CNBD2: variants seen among roughly 807,000 people sequenced by gnomAD.
CNBD2 encodes the protein cyclic nucleotide binding domain containing 2, also known as cyclic nucleotide-binding domain-containing protein 2.
In CNBD2, 64 loss-of-function variants were observed where a neutral mutation model predicts 63.7. The observed-to-expected ratio is 1.00, with a 90% CI of 0.82 to 1.24. CNBD2 has a LOEUF of 1.24. CNBD2 is among the 50% of genes most tolerant of loss of function. CNBD2 has a pLI of 0.00. For missense variants in CNBD2, 691 were observed against 713.5 expected (o/e 0.97, Z 0.36); for synonymous variants, 229 against 255.4 (o/e 0.90, Z 0.99).
At position 35,980,579 on chromosome 20, in the gene CNBD2, G is replaced by A. The variant is rs1041373974; in HGVS notation, c.364G>A (p.Glu122Lys). 6.2e-7 allele frequency: 1 copy of A among 1,613,972 alleles called. No homozygotes were observed. Among genetic ancestry groups the A allele is most frequent in the Non-Finnish European group, 8.5e-7 (1 of 1,180,042 alleles). Reference sequence around the variant, plus strand: ...TCTGGATAGCTATCGGAACTACGCAGAGCCCCTGCAGCTGCTCCTGGCCAA... The same window carrying A: ...TCTGGATAGCTATCGGAACTACGCAAAGCCCCTGCAGCTGCTCCTGGCCAA... The part of the protein sequence containing the change: ...QVLDSYRNYA[E>K]PLQLLLAKVM... The change falls in exon 4 of 12, where the codon GAG becomes AAG. Residue 122 changes from glutamate to lysine, a missense_variant. By Grantham distance (56) the Glu-to-Lys change is moderately conservative. Coordinates refer to ENST00000373973, the MANE Select transcript of CNBD2 (RefSeq NM_001365709.1).
intron 10 of CNBD2, among the ~76,000 whole-genome samples, chr20:36,015,594 A>C (rs2147345902): frequency 6.6e-6 from 1 of 152,300 alleles, no homozygotes; most frequent in South Asian, 2.1e-4. Context: ...GAAAGTAAGG[A>C]AGAGCTAGGG....
At chr20:36,000,732 T>G (rs1289717968) in intron 8 of CNBD2, among the ~76,000 whole-genome samples, 1 of 151,818 alleles carries the variant, frequency 6.6e-6, no homozygotes, top group Admixed American at 6.6e-5. Context: ...CTAATTTTTT[T>G]TTTTTTCATT....
chr20:35,964,556 A>AT (rs61569495), upstream of CNBD2, among the ~76,000 whole-genome samples: 26,736 of 141,614 alleles, frequency 0.19, 2,596 homozygotes, highest in South Asian at 0.37. Context: ...ACGCCCGGCT[A>AT]TTTTTTTTTT....
chr20:36,004,834 A>T (rs2056963372), intron 8 of CNBD2, among the ~76,000 whole-genome samples: 1 of 152,130 alleles, frequency 6.6e-6, no homozygotes, highest in Admixed American at 6.6e-5. Flanking sequence ...AAGTGCTGAG[A>T]TTACAGGCAT....
chr20:35,995,632 T>C (rs369421841), intron 8 of CNBD2, among the ~76,000 whole-genome samples: 1 of 152,236 alleles, frequency 6.6e-6, no homozygotes, highest in African/African-American at 2.4e-5. Context: ...AATATTCTAA[T>C]GTATGCATAT....
Position 36,030,388 on chromosome 20 carries a change from C to T in CNBD2, c.1471C>T (p.Gln491Ter). The T allele has an allele frequency of 6.2e-7, 1 of 1,614,118 alleles. No homozygotes were observed. Residue 491 changes from glutamine (Q) to a stop codon, truncating the protein, a stop_gained, in exon 12 of 12, where the codon CAG (glutamine) becomes TAG (stop). Coordinates refer to ENST00000373973, the MANE Select transcript of CNBD2 (RefSeq NM_001365709.1). LOFTEE classifies it low-confidence loss of function (END_TRUNC). The part of the protein sequence containing the change: ...DEDMCQKFLQ[Q>*]NSWNIFRKDL... ...AGATATGTGCCAGAAGTTCCTCCAG[C>T]AGAACAGCTGGAATATCTTTCGGAA...
chr20:36,002,258 G>A (rs995510576), intron 8 of CNBD2, among the ~76,000 whole-genome samples: 7 of 152,232 alleles, frequency 4.6e-5, no homozygotes, highest in Non-Finnish European at 5.9e-5. Context: ...CCAGTCAGGC[G>A]TGGCGGTGCG....
chr20:36,015,980 A>G (rs1368877755), intron 10 of CNBD2, among the ~76,000 whole-genome samples: 1 of 152,230 alleles, frequency 6.6e-6, no homozygotes, highest in African/African-American at 2.4e-5. Context: ...AAAATCTGAA[A>G]AACACAGCCA....
At chr20:36,010,444 C>CAAAAAAA (rs147122121) in intron 9 of CNBD2, among the ~76,000 whole-genome samples, 1 of 92,972 alleles carries the variant, frequency 1.1e-5, no homozygotes, top group Non-Finnish European at 2.3e-5. Flanking sequence ...AACTCTGTCT[C>CAAAAAAA]AAAAAAAAAA....
intron 11 of CNBD2, among the ~76,000 whole-genome samples, chr20:36,024,260 G>A (rs970390750): frequency 3.9e-5 from 6 of 152,012 alleles, no homozygotes; most frequent in Non-Finnish European, 5.9e-5. Context: ...GCTTGAACCC[G>A]GGAGACAGAG....
Position 35,987,472 on chromosome 20 carries a change from C to G in CNBD2, c.794C>G (p.Ser265Trp), listed in dbSNP as rs767996674. The G allele has an allele frequency of 1.9e-6, 3 of 1,614,134 alleles. No homozygotes were observed. The highest frequency in any genetic ancestry group is 2.5e-6 in the Non-Finnish European group (3 of 1,180,020). Reference sequence around the variant, plus strand: ...GCCATGGCGAAGATAGAGAGGTTCTCGTATGGGCAGCTGATCTCAAAAGAT... The same window carrying G: ...GCCATGGCGAAGATAGAGAGGTTCTGGTATGGGCAGCTGATCTCAAAAGAT... ...LVAMAKIERF[S>W]YGQLISKDFG... Residue 265 changes from serine to tryptophan, a missense_variant, in exon 7 of 12, where the codon TCG (serine) becomes TGG (tryptophan). Ser to Trp is a radical substitution (Grantham distance 177). Transcript: ENST00000373973.
Position 35,984,009 on chromosome 20 carries a change from G to A in CNBD2, c.435G>A (p.Lys145=), listed in dbSNP as rs1383952902. 2 of 1,614,222 alleles carry A rather than the reference G, an allele frequency of 1.2e-6. No individual in the cohort carries two copies. The highest frequency in any genetic ancestry group is 2.2e-5 in the East Asian group (1 of 44,884). Reference sequence around the variant, plus strand: ...TTGGTCGCAGGCGTGTGATCATCAAGAAGGGGCAGAAGGGCAACAGCTTTT... The same window carrying A: ...TTGGTCGCAGGCGTGTGATCATCAAAAAGGGGCAGAAGGGCAACAGCTTTT... The part of the protein sequence containing the change: ...ERFGRRRVII[K]KGQKGNSFYF... The change falls in exon 5 of 12, where the codon AAG becomes AAA. Residue 145 remains lysine (K), a synonymous_variant. Coordinates refer to ENST00000373973, the MANE Select transcript of CNBD2 (RefSeq NM_001365709.1).
At chr20:36,027,509 G>A (rs980180259) in intron 11 of CNBD2, among the ~76,000 whole-genome samples, 3 of 152,172 alleles carry the variant, frequency 2.0e-5, no homozygotes, top group African/African-American at 7.2e-5. Flanking sequence ...GTGGCTCACA[G>A]ATTGACGTTT....
intron 10 of CNBD2, among the ~76,000 whole-genome samples, chr20:36,019,538 A>G (rs1019229653): frequency 2.6e-5 from 4 of 151,070 alleles, no homozygotes; most frequent in East Asian, 1.9e-4. Flanking sequence ...AGAAAAAAAA[A>G]AAAAAAAAAA....
At chr20:35,954,473 G>A (rs2056226842), upstream of CNBD2, 8 of 1,547,216 alleles carry the variant, frequency 5.2e-6, no homozygotes, top group Non-Finnish European at 7.0e-6. Context: ...GCCTGCGGCA[G>A]CCGGAAGCGA....
At chr20:35,980,333 C>T in intron 3 of CNBD2, 126 bp from the exon 4 acceptor site, 3 of 796,216 alleles carry the variant, frequency 3.8e-6, no homozygotes, top group Non-Finnish European at 6.1e-6. Flanking sequence ...ACAGTAAGCA[C>T]TCATCACGTC....
intron 2 of CNBD2, among the ~76,000 whole-genome samples, chr20:35,960,762 CCTTCT>C (rs1456427064): frequency 1.0e-4 from 9 of 87,958 alleles, no homozygotes; most frequent in African/African-American, 5.9e-4. Flanking sequence ...CCTTCTCTTC[CCTTCT>C]CTTCCCTTCT....
At chr20:36,011,406 G>A in intron 10 of CNBD2, 149 bp downstream of exon 10, 1 of 1,058,538 alleles carries the variant, frequency 9.4e-7, no homozygotes. Context: ...ATAAGAATAG[G>A]CCGGGCGCGG....
At chr20:36,001,360 T>G (rs1164874579) in intron 8 of CNBD2, among the ~76,000 whole-genome samples, 2 of 103,654 alleles carry the variant, frequency 1.9e-5, no homozygotes, top group African/African-American at 3.9e-5. Flanking sequence ...GCTGGCAGGG[T>G]GGGGGGCTGA....
Sources: allele counts gnomAD v4.1 joint callset (sites outside exome capture counted in the v4.1 genomes callset), GRCh38; gene constraint gnomAD v4.1.1; transcripts MANE v1.5; gene names NCBI Gene and HGNC (gene_info 2026-07-23, HGNC 2026-07-21).